Variants in DPP6 observed in about 807,000 individuals in gnomAD.
DPP6 encodes A-type potassium channel modulatory protein DPP6.
In DPP6, 69 loss-of-function variants were observed where a neutral mutation model predicts 122.6. The observed-to-expected ratio is 0.56, with a 90% confidence interval of 0.46 to 0.69. The LOEUF is 0.69. Among genes scored for constraint, DPP6 ranks in the 30% least tolerant of loss-of-function variants. The pLI is 0.00. For missense variants in DPP6, 928 were observed against 1,116.9 expected (o/e 0.83, Z 2.41); for synonymous variants, 418 against 433.1 (o/e 0.97, Z 0.43).
At chr7:154,879,388 G>A (rs1584963826) in intron 20 of DPP6, among the ~76,000 whole-genome samples, 1 of 130,478 alleles carries the variant, frequency 7.7e-6, no homozygotes, top group East Asian at 3.3e-4. Context: ...AGACCATCCT[G>A]GCTAACACGG....
At chr7:154,014,840 T>C (rs938681623) in intron 1 of DPP6, among the ~76,000 whole-genome samples, 3 of 151,864 alleles carry the variant, frequency 2.0e-5, no homozygotes, top group African/African-American at 7.3e-5. Context: ...TTCTAAAGAA[T>C]TGTGATAAAG....
At chr7:154,554,220 C>T (rs572762644) in intron 4 of DPP6, among the ~76,000 whole-genome samples, 1 of 152,092 alleles carries the variant, frequency 6.6e-6, no homozygotes, top group African/African-American at 2.4e-5. Context: ...TCTCATTGAC[C>T]AGGAAGGGAG....
At chr7:153,783,385 G>A in the DPP6 span, among the ~76,000 whole-genome samples, 7 of 152,216 alleles carry the variant, frequency 4.6e-5, no homozygotes, top group South Asian at 1.5e-3. Context: ...GATCTCATGA[G>A]CCTCACTCAT....
At chr7:154,885,768 C>G in intron 22 of DPP6, 24 bp downstream of exon 22, 2 of 1,562,746 alleles carry the variant, frequency 1.3e-6, no homozygotes, top group East Asian at 4.8e-5. Flanking sequence ...CAGGACCAAG[C>G]GACGGGCTCT....
intron 1 of DPP6, among the ~76,000 whole-genome samples, chr7:154,086,678 G>A (rs1804448079): frequency 6.6e-6 from 1 of 151,174 alleles, no homozygotes; most frequent in Admixed American, 6.6e-5. Context: ...GAGTGCAGTG[G>A]CACAATCTCG....
intron 6 of DPP6, among the ~76,000 whole-genome samples, chr7:154,644,184 T>C (rs1209926116): frequency 1.3e-5 from 2 of 152,222 alleles, no homozygotes; most frequent in African/African-American, 4.8e-5. Flanking sequence ...AGGCGCAGAT[T>C]AGTTTTGTGC....
At chr7:154,501,029 G>T (rs979684453) in intron 3 of DPP6, among the ~76,000 whole-genome samples, 2 of 152,194 alleles carry the variant, frequency 1.3e-5, no homozygotes, top group African/African-American at 4.8e-5. Flanking sequence ...CAGCAAAGAT[G>T]ACTTTTGTTA....
At chr7:154,005,809 G>T (rs1286135990) in intron 1 of DPP6, among the ~76,000 whole-genome samples, 1 of 151,878 alleles carries the variant, frequency 6.6e-6, no homozygotes, top group Non-Finnish European at 1.5e-5. Context: ...TCACCTTCCG[G>T]TTGGACGAGC....
chr7:154,505,460 A>G (rs924656016), intron 3 of DPP6, among the ~76,000 whole-genome samples: 1 of 152,142 alleles, frequency 6.6e-6, no homozygotes, highest in African/African-American at 2.4e-5. Context: ...TGTCCCCTTT[A>G]TCTCCCAAGG....
At chr7:153,948,815 G>A (rs1350551278) in intron 1 of DPP6, among the ~76,000 whole-genome samples, 1 of 139,002 alleles carries the variant, frequency 7.2e-6, no homozygotes, top group Non-Finnish European at 1.6e-5. Context: ...ATCAAGCCTG[G>A]CCCATACGAG....
intron 1 of DPP6, among the ~76,000 whole-genome samples, chr7:154,113,260 T>G (rs1251907552): frequency 6.6e-6 from 1 of 152,194 alleles, no homozygotes; most frequent in Non-Finnish European, 1.5e-5. Flanking sequence ...TGTTGGATTA[T>G]ATGGTGGTTC....
intron 5 of DPP6, among the ~76,000 whole-genome samples, chr7:154,568,135 T>C (rs1354003321): frequency 2.0e-5 from 3 of 152,236 alleles, no homozygotes; most frequent in African/African-American, 7.2e-5. Flanking sequence ...CTGCATTACC[T>C]AGACACAGCC....
chr7:153,781,343 C>A, the DPP6 span, among the ~76,000 whole-genome samples: 1 of 152,164 alleles, frequency 6.6e-6, no homozygotes, highest in Non-Finnish European at 1.5e-5. Flanking sequence ...TTCCCCAGGA[C>A]TGCAAGGGAA....
At chr7:154,571,442 C>A (rs1261708423) in intron 5 of DPP6, among the ~76,000 whole-genome samples, 1 of 152,106 alleles carries the variant, frequency 6.6e-6, no homozygotes, top group Non-Finnish European at 1.5e-5. Flanking sequence ...ACTATGCCAA[C>A]CCTATGTATT....
the DPP6 span, among the ~76,000 whole-genome samples, chr7:153,874,163 A>G: frequency 6.6e-6 from 1 of 152,076 alleles, no homozygotes; most frequent in Admixed American, 6.5e-5. Flanking sequence ...TAGTATTGGA[A>G]ATATGAAGTA....
intron 1 of DPP6, among the ~76,000 whole-genome samples, chr7:153,946,232 C>T (rs1801941494): frequency 6.6e-6 from 1 of 152,132 alleles, no homozygotes; most frequent in Non-Finnish European, 1.5e-5. Flanking sequence ...AATGGCTACT[C>T]CGTAGGCAGA....
chr7:154,185,987 A>G (rs1798335296), intron 1 of DPP6, among the ~76,000 whole-genome samples: 1 of 152,152 alleles, frequency 6.6e-6, no homozygotes, highest in South Asian at 2.1e-4. Flanking sequence ...CTGCAGAAGA[A>G]CCATATGACG....
chr7:153,781,899 G>A, the DPP6 span, among the ~76,000 whole-genome samples: 2 of 150,978 alleles, frequency 1.3e-5, no homozygotes, highest in Admixed American at 1.3e-4. Context: ...AAGTCATAAA[G>A]CAGTGATTAT....
At chr7:154,318,115 T>A (rs1807596305) in intron 1 of DPP6, among the ~76,000 whole-genome samples, 1 of 152,250 alleles carries the variant, frequency 6.6e-6, no homozygotes, top group Admixed American at 6.5e-5. Flanking sequence ...CACTGGAGAT[T>A]TTGAAATTTT....
Sources: gnomAD v4.1 joint callset for allele counts (sites outside exome capture counted in the v4.1 genomes callset) on GRCh38, gnomAD v4.1.1 for gene constraint, MANE v1.5 for transcripts, NCBI Gene and HGNC (gene_info 2026-07-23, HGNC 2026-07-21) for gene names.